The following AIG1 variants were observed in gnomAD, a reference collection of about 807,000 sequenced individuals.
AIG1 encodes androgen-induced gene 1 protein.
AIG1 carries 23 observed loss-of-function variants against 31.4 expected under a neutral mutation model. That is an observed-to-expected ratio of 0.73 (90% CI 0.53 to 1.04). The LOEUF is 1.04. Among genes scored for constraint, AIG1 ranks in the 50% least tolerant of loss-of-function variants. The pLI, the probability that AIG1 is intolerant of heterozygous loss-of-function variation, is 0.00. For synonymous variants in AIG1, 100 were observed against 110.5 expected (o/e 0.90, Z 0.60); for missense variants, 274 against 295.0 (o/e 0.93, Z 0.52).
intron 4 of AIG1, among the ~76,000 whole-genome samples, chr6:143,302,202 T>A (rs939835156): frequency 6.6e-6 from 1 of 151,716 alleles, no homozygotes; most frequent in Non-Finnish European, 1.5e-5. Flanking sequence ...TTTTTTATTT[T>A]TTTCTTTCTT....
chr6:143,206,873 A>G (rs1374404203), intron 3 of AIG1, among the ~76,000 whole-genome samples: 3 of 152,186 alleles, frequency 2.0e-5, no homozygotes, highest in Non-Finnish European at 4.4e-5. Flanking sequence ...TAGGCCAGTG[A>G]TTATAATAAT....
intron 3 of AIG1, among the ~76,000 whole-genome samples, chr6:143,171,464 A>T (rs1787555291): frequency 1.7e-5 from 2 of 117,364 alleles, no homozygotes; most frequent in South Asian, 4.6e-4. Context: ...TAATATATAT[A>T]TTTAATATAT....
intron 3 of AIG1, among the ~76,000 whole-genome samples, chr6:143,199,936 T>G (rs1790557554): frequency 2.0e-5 from 3 of 152,072 alleles, no homozygotes; most frequent in Non-Finnish European, 4.4e-5. Flanking sequence ...TTTTGACAGA[T>G]GGAAGTGGTG....
rs746409319 is a variant in AIG1, at chr6:143,280,414, A to T, written c.400-3696A>T. Among the ~76,000 whole-genome samples, 53 of 152,216 alleles carry T rather than the reference A, an allele frequency of 3.5e-4. No homozygotes were observed. Among genetic ancestry groups the T allele is most frequent in the Non-Finnish European group, 7.2e-4 (49 of 68,042 alleles). ...AGAAATCATTCTACCATAAAGATAT[A>T]TGTGCACAAATGTTCATTGCAGCAC... On this transcript the variant is annotated intron_variant, in intron 3 of 5. Coordinates refer to ENST00000357847, the MANE Select transcript of AIG1 (RefSeq NM_016108.4). The surrounding 1 kb of genome is among the most constrained non-coding windows in gnomAD (Gnocchi z 4.1).
At chr6:143,082,218 T>A (rs1778325970) in intron 1 of AIG1, among the ~76,000 whole-genome samples, 1 of 152,192 alleles carries the variant, frequency 6.6e-6, no homozygotes, top group Non-Finnish European at 1.5e-5. Context: ...TGAGTGCTAG[T>A]TCCTGGAGTG....
chr6:143,236,922 TTA>T (rs1482338250), intron 3 of AIG1, among the ~76,000 whole-genome samples: 1 of 152,216 alleles, frequency 6.6e-6, no homozygotes, highest in Non-Finnish European at 1.5e-5. Flanking sequence ...GCTACATGTT[TTA>T]TGTTCATGAT....
intron 2 of AIG1, among the ~76,000 whole-genome samples, chr6:143,155,391 T>G (rs1431214703): frequency 6.6e-6 from 1 of 151,496 alleles, no homozygotes; most frequent in African/African-American, 2.4e-5. Context: ...CTTCTTCTTG[T>G]GGGGGGGATA....
intron 3 of AIG1, among the ~76,000 whole-genome samples, chr6:143,192,209 A>G (rs1789850190): frequency 6.6e-6 from 1 of 152,240 alleles, no homozygotes; most frequent in Non-Finnish European, 1.5e-5. Context: ...AGCAGCAGCC[A>G]TTCTCTCGGG....
At chr6:143,231,243 G>T (rs1004367814) in intron 3 of AIG1, among the ~76,000 whole-genome samples, 1 of 152,206 alleles carries the variant, frequency 6.6e-6, no homozygotes, top group African/African-American at 2.4e-5. Context: ...GTTCAGGTTT[G>T]AAATGGCATT....
rs1779850221 is a variant in AIG1, at chr6:143,096,944, TTA to T, written c.141+35881_141+35882del. Among the ~76,000 whole-genome samples the T allele has an allele frequency of 3.3e-5, 5 of 150,220 alleles. No individual in the cohort carries two copies. The South Asian group carries it at 1.1e-3, about 34-fold the overall frequency. ...TAATTTTAAAATGATTTTTTCCATC[TTA>T]TACATTTAATTTTTCTATATATTAG... On this transcript the variant is annotated intron_variant, in intron 1 of 5. Transcript: ENST00000357847.
chr6:143,281,410 G>T (rs1264865787), intron 3 of AIG1, among the ~76,000 whole-genome samples: 1 of 152,160 alleles, frequency 6.6e-6, no homozygotes, highest in Non-Finnish European at 1.5e-5. Flanking sequence ...CTGTTCTTAT[G>T]CAGTGATGAT....
At chr6:143,314,901 C>G (rs1050704079) in intron 4 of AIG1, among the ~76,000 whole-genome samples, 1 of 152,054 alleles carries the variant, frequency 6.6e-6, no homozygotes, top group East Asian at 1.9e-4. Context: ...TATTTCTAAA[C>G]AAAACTAACA....
intron 2 of AIG1, among the ~76,000 whole-genome samples, chr6:143,161,612 A>G (rs1000313826): frequency 1.3e-5 from 2 of 151,442 alleles, no homozygotes; most frequent in Non-Finnish European, 2.9e-5. Flanking sequence ...ATGACCAGGA[A>G]TGTAAGGTTG....
rs981346045 is a variant in AIG1, at chr6:143,258,405, T to C, written c.400-25705T>C. ...ATTCAGCAATGCTGATTGTATGTGA[T>C]TCCAATGCAAAAATTTCTTCTTAGC... On this transcript the variant is annotated intron_variant, in intron 3 of 5. Transcript: ENST00000357847. This position sits in a 1 kb window ranked among gnomAD's most constrained non-coding sequence, Gnocchi z 4.7. Among the ~76,000 whole-genome samples, 2 of 152,250 alleles carry C rather than the reference T, an allele frequency of 1.3e-5. No individual in the cohort carries two copies. Among genetic ancestry groups the C allele is most frequent in the South Asian group, 2.1e-4 (1 of 4,836 alleles).
chr6:143,149,970 A>G (rs73777892), intron 2 of AIG1, among the ~76,000 whole-genome samples: 119 of 152,360 alleles, frequency 7.8e-4, no homozygotes, highest in African/African-American at 2.8e-3. Flanking sequence ...ACACAACTGC[A>G]AAAAACTTTT....
chr6:143,176,238 T>C (rs1346860746), intron 3 of AIG1, among the ~76,000 whole-genome samples: 1 of 152,198 alleles, frequency 6.6e-6, no homozygotes, highest in Non-Finnish European at 1.5e-5. Context: ...CCATGAGGGT[T>C]CTTGGCTGTA....
intron 3 of AIG1, among the ~76,000 whole-genome samples, chr6:143,251,527 A>ATTTG (rs55647242): frequency 0.39 from 59,579 of 151,704 alleles, 14,475 homozygotes; most frequent in African/African-American, 0.66. Context: ...CCTGGGGTAG[A>ATTTG]GGGTAACACC....
intron 4 of AIG1, among the ~76,000 whole-genome samples, chr6:143,290,148 C>T (rs9376738): frequency 0.065 from 9,947 of 152,098 alleles, 876 homozygotes; most frequent in African/African-American, 0.2. Flanking sequence ...GTTCTTGCCG[C>T]CTCAGAAGAA....
At chr6:143,098,170 G>A (rs140174024) in intron 1 of AIG1, among the ~76,000 whole-genome samples, 1 of 152,118 alleles carries the variant, frequency 6.6e-6, no homozygotes, top group Non-Finnish European at 1.5e-5. Flanking sequence ...TACACTTCTG[G>A]TTTTCACTTC....
Sources: gnomAD v4.1 joint callset for allele counts (sites outside exome capture counted in the v4.1 genomes callset) on GRCh38, gnomAD v4.1.1 for gene constraint, Gnocchi (gnomAD v3.1) non-coding constraint, MANE v1.5 for transcripts, NCBI Gene and HGNC (gene_info 2026-07-23, HGNC 2026-07-21) for gene names.